The following SLC8A1 variants were observed in gnomAD, a reference collection of about 807,000 sequenced individuals.
The protein encoded by SLC8A1 is sodium/calcium exchanger 1.
Under a neutral mutation model 68.3 loss-of-function variants are expected in SLC8A1, and 18 were observed. That is an observed-to-expected ratio of 0.26 (90% CI 0.18 to 0.39). The LOEUF (loss-of-function observed/expected upper bound fraction) is 0.39, where lower values mean the gene tolerates loss of function less well. Ranked by LOEUF, SLC8A1 falls within the 10% of genes least tolerant of loss-of-function variation. SLC8A1 has a pLI of 1.00. For synonymous variants in SLC8A1, 475 were observed against 415.5 expected (o/e 1.14, Z -1.74); for missense variants, 985 against 1,156.7 (o/e 0.85, Z 2.15).
intron 1 of SLC8A1, among the ~76,000 whole-genome samples, chr2:40,472,701 C>G (rs1265607754): frequency 2.6e-5 from 4 of 152,102 alleles, no homozygotes; most frequent in African/African-American, 9.7e-5. Context: ...ATGGCCCATA[C>G]CCATTCTAGG....
chr2:40,275,562 T>C (rs2066595425), intron 2 of SLC8A1, among the ~76,000 whole-genome samples: 1 of 152,090 alleles, frequency 6.6e-6, no homozygotes, highest in Non-Finnish European at 1.5e-5. Context: ...GGTTGAAAGC[T>C]GAAAGGGCTG....
chr2:40,218,021 A>G (rs559852427), intron 2 of SLC8A1, among the ~76,000 whole-genome samples: 1 of 152,326 alleles, frequency 6.6e-6, no homozygotes, highest in South Asian at 2.1e-4. Flanking sequence ...AAAGGGAACA[A>G]TTAATTTGTC....
chr2:40,416,143 T>G (rs1357458133), intron 2 of SLC8A1, among the ~76,000 whole-genome samples: 1 of 151,884 alleles, frequency 6.6e-6, no homozygotes, highest in Non-Finnish European at 1.5e-5. Flanking sequence ...ATGCCATACT[T>G]CTTAATTATG....
intron 2 of SLC8A1, among the ~76,000 whole-genome samples, chr2:40,383,178 G>T (rs933731088): frequency 1.3e-5 from 2 of 152,028 alleles, no homozygotes; most frequent in Non-Finnish European, 2.9e-5. Context: ...ACACGTTGTA[G>T]ATAATAAACA....
chr2:40,246,863 G>C (rs1281593916), intron 2 of SLC8A1, among the ~76,000 whole-genome samples: 1 of 152,116 alleles, frequency 6.6e-6, no homozygotes, highest in African/African-American at 2.4e-5. Flanking sequence ...AAGGAAAATG[G>C]TTAGATGTGA....
chr2:40,409,826 C>T (rs995930033), intron 2 of SLC8A1, among the ~76,000 whole-genome samples: 4 of 152,064 alleles, frequency 2.6e-5, no homozygotes, highest in African/African-American at 7.2e-5. Context: ...ATGTGTGGTC[C>T]CCTTGATCCT....
chr2:40,103,678 T>C (rs1478490153), exon 8 of SLC8A1: 1 of 152,198 alleles, frequency 6.6e-6, no homozygotes, highest in African/African-American at 2.4e-5. Flanking sequence ...CTTAAAAAGG[T>C]CACTGATTTG....
chr2:40,484,908 T>C (rs1229655422), intron 1 of SLC8A1, among the ~76,000 whole-genome samples: 1 of 152,210 alleles, frequency 6.6e-6, no homozygotes, highest in Non-Finnish European at 1.5e-5. Context: ...CAGAGAGATA[T>C]GCATTGCTTG....
At chr2:40,349,530 C>T (rs138193231) in intron 2 of SLC8A1, among the ~76,000 whole-genome samples, 4 of 152,306 alleles carry the variant, frequency 2.6e-5, no homozygotes, top group Non-Finnish European at 4.4e-5. Flanking sequence ...GTAAGTTCCT[C>T]TCTGCACCTC....
intron 6 of SLC8A1, among the ~76,000 whole-genome samples, chr2:40,154,062 A>G (rs1171643527): frequency 1.3e-5 from 2 of 152,192 alleles, no homozygotes; most frequent in African/African-American, 4.8e-5. Flanking sequence ...AATTAGACTC[A>G]CGATGATGGG....
chr2:40,217,372 T>C lies in SLC8A1; in HGVS notation c.1809-39517A>G, dbSNP rs754149026. ...TATATCTGTTTTGGTACCAGTACCATGCTGTTTTGATTACTGTAGGCTTGT... is the reference window on the plus strand; with the variant it reads ...TATATCTGTTTTGGTACCAGTACCACGCTGTTTTGATTACTGTAGGCTTGT... On this transcript the variant is annotated intron_variant, in intron 2 of 7. Coordinates refer to ENST00000406785, the Ensembl canonical transcript of SLC8A1. Among the ~76,000 whole-genome samples, 90 of 152,232 alleles carry C rather than the reference T, an allele frequency of 5.9e-4. 1 individual carries two copies. The highest frequency in any genetic ancestry group is 3.7e-4 in the Non-Finnish European group (25 of 68,034).
At chr2:40,227,617 C>G (rs2059148616) in intron 2 of SLC8A1, among the ~76,000 whole-genome samples, 1 of 151,880 alleles carries the variant, frequency 6.6e-6, no homozygotes, top group South Asian at 2.1e-4. Flanking sequence ...GGCTTAATAC[C>G]TAGGTGATGA....
chr2:40,183,826 C>T (rs1463805533), intron 2 of SLC8A1, among the ~76,000 whole-genome samples: 1 of 152,138 alleles, frequency 6.6e-6, no homozygotes, highest in East Asian at 1.9e-4. Context: ...TCAGTTAAAT[C>T]AAATTCTGCT....
At chr2:40,290,184 G>A (rs2069043265) in intron 2 of SLC8A1, among the ~76,000 whole-genome samples, 1 of 151,792 alleles carries the variant, frequency 6.6e-6, no homozygotes, top group South Asian at 2.1e-4. Context: ...TCATTACTGT[G>A]CCTTGCAAGG....
intron 1 of SLC8A1, among the ~76,000 whole-genome samples, chr2:40,477,053 T>A (rs1250676684): frequency 6.6e-6 from 1 of 152,192 alleles, no homozygotes; most frequent in Admixed American, 6.5e-5. Flanking sequence ...GTGGGTGCAT[T>A]TTTCCTATAG....
At chr2:40,250,917 ATTTGATGAT>A (rs761596393) in intron 2 of SLC8A1, 3 of 152,200 alleles carry the variant, frequency 2.0e-5, no homozygotes, top group Non-Finnish European at 4.4e-5. Context: ...GAGGGTCAGA[ATTTGATGAT>A]TATTCTGGCT....
At chr2:40,435,171 T>C (rs956061813) in intron 1 of SLC8A1, among the ~76,000 whole-genome samples, 2 of 152,192 alleles carry the variant, frequency 1.3e-5, no homozygotes, top group African/African-American at 4.8e-5. Flanking sequence ...GTACTTGGAA[T>C]TCCCTTCTAT....
intron 2 of SLC8A1, among the ~76,000 whole-genome samples, chr2:40,199,958 T>A (rs563963852): frequency 1.4e-4 from 21 of 150,592 alleles, no homozygotes; most frequent in African/African-American, 4.9e-4. Context: ...TAAAATTACA[T>A]TGTTTTCATA....
intron 2 of SLC8A1, among the ~76,000 whole-genome samples, chr2:40,289,026 C>A: frequency 6.6e-6 from 1 of 151,336 alleles, no homozygotes; most frequent in African/African-American, 2.4e-5. Flanking sequence ...TTTGACTGGA[C>A]AATATTATCC....
Sources: allele counts gnomAD v4.1 joint callset (sites outside exome capture counted in the v4.1 genomes callset), GRCh38; gene constraint gnomAD v4.1.1; transcripts MANE v1.5; gene names NCBI Gene and HGNC (gene_info 2026-07-23, HGNC 2026-07-21).